The following ZMAT4 variants were observed in gnomAD, a reference collection of about 807,000 sequenced individuals.
The protein encoded by ZMAT4 is zinc finger matrin-type 4.
ZMAT4 carries 17 observed loss-of-function variants against 28.7 expected under a neutral mutation model. The ratio of observed to expected loss-of-function variants is 0.59; its 90% CI spans 0.41 to 0.89. The LOEUF (loss-of-function observed/expected upper bound fraction) is 0.89. Ranked by LOEUF, ZMAT4 falls within the 40% of genes least tolerant of loss-of-function variation. The pLI is 0.00. For missense variants in ZMAT4, 240 were observed against 283.8 expected (o/e 0.85, Z 1.11); for synonymous variants, 117 against 109.2 (o/e 1.07, Z -0.44).
At chr8:40,820,018 T>C (rs1267273099) in intron 2 of ZMAT4, among the ~76,000 whole-genome samples, 2 of 152,094 alleles carry the variant, frequency 1.3e-5, no homozygotes, top group African/African-American at 4.8e-5. Flanking sequence ...TCAAGTAACA[T>C]CATTTCATTC....
intron 3 of ZMAT4, among the ~76,000 whole-genome samples, chr8:40,749,497 T>C (rs1010138604): frequency 6.6e-6 from 1 of 152,142 alleles, no homozygotes; most frequent in Non-Finnish European, 1.5e-5. Context: ...ATTAGTGGCA[T>C]CACATTATCT....
At chr8:40,641,410 G>A (rs1487982800) in intron 5 of ZMAT4, among the ~76,000 whole-genome samples, 1 of 152,188 alleles carries the variant, frequency 6.6e-6, no homozygotes, top group Non-Finnish European at 1.5e-5. Flanking sequence ...AAATGGGAAT[G>A]AAAGAAAAGC....
chr8:40,882,233 T>C (rs1240293446), intron 1 of ZMAT4, among the ~76,000 whole-genome samples: 1 of 152,092 alleles, frequency 6.6e-6, no homozygotes, highest in Non-Finnish European at 1.5e-5. Flanking sequence ...ATCACTTGAT[T>C]AGTATGAGAA....
intron 6 of ZMAT4, among the ~76,000 whole-genome samples, chr8:40,575,513 C>T (rs534841707): frequency 4.6e-5 from 7 of 152,030 alleles, no homozygotes; most frequent in Non-Finnish European, 8.8e-5. Context: ...CCCACAAACT[C>T]CCACAGCTGA....
chr8:40,805,870 C>T (rs1815064519), intron 2 of ZMAT4, among the ~76,000 whole-genome samples: 6 of 151,446 alleles, frequency 4.0e-5, no homozygotes, highest in Admixed American at 2.0e-4. Context: ...AGTGCACCAG[C>T]ATGGCACATG....
intron 2 of ZMAT4, among the ~76,000 whole-genome samples, chr8:40,770,098 T>A (rs759787601): frequency 6.3e-4 from 96 of 152,092 alleles, no homozygotes; most frequent in Non-Finnish European, 1.2e-3. Flanking sequence ...GGGTTTCCGG[T>A]GAGGAAAATC....
chr8:40,779,274 C>T (rs764003147), intron 2 of ZMAT4, among the ~76,000 whole-genome samples: 6 of 152,084 alleles, frequency 3.9e-5, no homozygotes, highest in Admixed American at 6.5e-5. Context: ...CGAGGCCTCC[C>T]CAACCACGTA....
At chr8:40,852,299 A>C (rs1817138874) in intron 1 of ZMAT4, among the ~76,000 whole-genome samples, 1 of 152,160 alleles carries the variant, frequency 6.6e-6, no homozygotes, top group East Asian at 1.9e-4. Context: ...CTGCAACTTT[A>C]CTTTAAATAT....
At position 40,636,887 on chromosome 8, in the gene ZMAT4, A is replaced by C. The variant is rs1359229285; in HGVS notation, c.577+37817T>G. Among the ~76,000 whole-genome samples, 8 of 152,292 alleles carry C rather than the reference A, an allele frequency of 5.3e-5. No individual in the cohort carries two copies. In the East Asian group the frequency reaches 1.5e-3, roughly 29 times the overall value. ...TAAAATGAAAACTTTTTATCTTTTT[A>C]AAGAACACCTCCCTCCAGAGGGAGT... On this transcript the variant is annotated intron_variant, in intron 5 of 6. Transcript: ENST00000297737.
intron 1 of ZMAT4, among the ~76,000 whole-genome samples, chr8:40,867,708 G>A (rs1331605675): frequency 2.0e-5 from 3 of 152,084 alleles, no homozygotes; most frequent in African/African-American, 7.2e-5. Context: ...CTTCCTTTGA[G>A]TCTTTGTTCA....
At chr8:40,595,505 G>T (rs142721261) in intron 5 of ZMAT4, among the ~76,000 whole-genome samples, 1 of 152,222 alleles carries the variant, frequency 6.6e-6, no homozygotes, top group African/African-American at 2.4e-5. Context: ...ACATGGTATA[G>T]CTTACCTACA....
At chr8:40,781,472 C>T (rs909685102) in intron 2 of ZMAT4, among the ~76,000 whole-genome samples, 2 of 151,976 alleles carry the variant, frequency 1.3e-5, no homozygotes, top group Admixed American at 1.3e-4. Flanking sequence ...ATTAAGAATC[C>T]ATAAATAAGG....
chr8:40,605,730 CT>C (rs1189221690), intron 5 of ZMAT4, among the ~76,000 whole-genome samples: 1 of 152,082 alleles, frequency 6.6e-6, no homozygotes, highest in African/African-American at 2.4e-5. Flanking sequence ...GACTTTCTGT[CT>C]TGATAACCTG....
rs1261778435 is a variant in ZMAT4, at chr8:40,545,146, C to A, written c.675-12908G>T. Among the ~76,000 whole-genome samples, 3 of 151,890 alleles carry A rather than the reference C, an allele frequency of 2.0e-5. No individual in the cohort carries two copies. In the East Asian group the frequency reaches 5.8e-4, roughly 29 times the overall value. On this transcript the variant is annotated intron_variant, in intron 6 of 6. Transcript: ENST00000297737. ...CTCATTCCAACAACCCACAAGGAAC[C>A]AAATCTTTGTGGATTTTTTCAAGCA...
chr8:40,808,660 T>G (rs528593186), intron 2 of ZMAT4: 57 of 377,996 alleles, frequency 1.5e-4, no homozygotes, highest in African/African-American at 1.2e-3. Flanking sequence ...ACATCTTCAC[T>G]CAGGGGAGGT....
At chr8:40,759,888 A>G (rs1563464527) in intron 3 of ZMAT4, among the ~76,000 whole-genome samples, 1 of 152,168 alleles carries the variant, frequency 6.6e-6, no homozygotes, top group Non-Finnish European at 1.5e-5. Flanking sequence ...TTATTTACCT[A>G]TTGACAAGGC....
At chr8:40,829,653 T>A (rs1408782577) in intron 1 of ZMAT4, among the ~76,000 whole-genome samples, 3 of 152,060 alleles carry the variant, frequency 2.0e-5, no homozygotes, top group Non-Finnish European at 4.4e-5. Context: ...AGAAGAGACA[T>A]ACACACACCA....
intron 3 of ZMAT4, among the ~76,000 whole-genome samples, chr8:40,764,002 A>G (rs746570264): frequency 1.3e-5 from 2 of 151,858 alleles, no homozygotes; most frequent in Non-Finnish European, 2.9e-5. Flanking sequence ...AAAAAAACCC[A>G]GGTAAAACTA....
At chr8:40,759,080 G>A (rs778905144) in intron 3 of ZMAT4, among the ~76,000 whole-genome samples, 2 of 151,898 alleles carry the variant, frequency 1.3e-5, no homozygotes, top group Non-Finnish European at 2.9e-5. Context: ...TCAGGAGTTC[G>A]AGACCAGCCT....
Sources: allele counts gnomAD v4.1 joint callset (sites outside exome capture counted in the v4.1 genomes callset), GRCh38; gene constraint gnomAD v4.1.1; transcripts MANE v1.5; gene names NCBI Gene and HGNC (gene_info 2026-07-23, HGNC 2026-07-21).